The following CHST11 variants were observed in gnomAD, a reference collection of about 807,000 sequenced individuals.
The protein encoded by CHST11 is C4S-1.
A neutral mutation model predicts 30.4 loss-of-function variants in CHST11; 9 were observed. The observed-to-expected ratio is 0.30, with a 90% CI of 0.18 to 0.52. CHST11 has a LOEUF of 0.52. Ranked by LOEUF, CHST11 falls within the 20% of genes least tolerant of loss-of-function variation. The pLI is 0.97. For synonymous variants in CHST11, 152 were observed against 187.8 expected (o/e 0.81, Z 1.56); for missense variants, 348 against 460.6 (o/e 0.76, Z 2.24).
chr12:104,591,787 G>C (rs905461826), intron 1 of CHST11: 1 of 154,078 alleles, frequency 6.5e-6, no homozygotes, highest in Admixed American at 6.5e-5. Context: ...TGGATTTAAT[G>C]AGTTGTGACT....
chr12:104,631,677 C>T (rs951720017), intron 2 of CHST11, among the ~76,000 whole-genome samples: 34 of 152,332 alleles, frequency 2.2e-4, no homozygotes, highest in African/African-American at 7.7e-4. Flanking sequence ...GGCCTCTCCA[C>T]CTCCCTTTGC....
At chr12:104,715,783 C>T (rs1008132565) in intron 2 of CHST11, among the ~76,000 whole-genome samples, 1 of 152,216 alleles carries the variant, frequency 6.6e-6, no homozygotes, top group Non-Finnish European at 1.5e-5. Flanking sequence ...TGTCCCCACC[C>T]CTGGGGGATA....
rs1619105 is a variant in CHST11 at position 104,585,245 on chromosome 12, G to A, written c.119-16661G>A. On this transcript the variant is annotated intron_variant, in intron 1 of 2. Transcript: ENST00000303694. ...CACTTCAGCCTCCTGCACTTGCCTC[G>A]TACTCACCTTCAGCAATGCCAAAGC... Among the ~76,000 whole-genome samples the A allele has an allele frequency of 4.2e-3, 634 of 152,210 alleles. 28 individuals carry two copies. In the East Asian group the frequency reaches 0.1, roughly 25 times the overall value.
At chr12:104,615,923 G>A (rs1409491137) in intron 2 of CHST11, among the ~76,000 whole-genome samples, 1 of 152,148 alleles carries the variant, frequency 6.6e-6, no homozygotes, top group African/African-American at 2.4e-5. Context: ...GCAAGACTCT[G>A]TCTCAAAATA....
In CHST11 at chr12:104,736,411, A is replaced by G. The variant is rs528407142; in HGVS notation, c.205-20538A>G. 5.9e-5 allele frequency among the ~76,000 whole-genome samples: 9 copies of G among 152,342 alleles called. No homozygotes were observed. The South Asian group carries it at 1.9e-3, about 32-fold the overall frequency. ...AAAAAGACCAGTGACTCACAAGCTC[A>G]TACAGAGAATGCCCAGCCTGGCCGA... is the stretch of plus-strand genomic sequence containing the variant. On this transcript the variant is annotated intron_variant, in intron 2 of 2. Coordinates refer to ENST00000303694, the MANE Select transcript of CHST11 (RefSeq NM_018413.6).
At chr12:104,556,099 C>T (rs1378895337) in intron 1 of CHST11, among the ~76,000 whole-genome samples, 1 of 152,172 alleles carries the variant, frequency 6.6e-6, no homozygotes, top group African/African-American at 2.4e-5. Flanking sequence ...AGAAAGACCC[C>T]CCTCCGCTGG....
chr12:104,522,778 G>T (rs1198022625), intron 1 of CHST11, among the ~76,000 whole-genome samples: 1 of 151,970 alleles, frequency 6.6e-6, no homozygotes, highest in Non-Finnish European at 1.5e-5. Flanking sequence ...CACTGCGCCT[G>T]GTCCTATCGC....
At chr12:104,574,718 G>C (rs1029979577) in intron 1 of CHST11, among the ~76,000 whole-genome samples, 5 of 151,986 alleles carry the variant, frequency 3.3e-5, no homozygotes, top group Non-Finnish European at 5.9e-5. Context: ...GTGGGGTGGG[G>C]GTTGGGGGAG....
intron 1 of CHST11, among the ~76,000 whole-genome samples, chr12:104,499,777 A>G (rs146946601): frequency 6.2e-4 from 95 of 152,152 alleles, no homozygotes; most frequent in African/African-American, 2.1e-3. Context: ...CCTCAGTGCT[A>G]CCTTCCCTCA....
chr12:104,560,628 C>G (rs2038504614), intron 1 of CHST11, among the ~76,000 whole-genome samples: 1 of 152,214 alleles, frequency 6.6e-6, no homozygotes, highest in Non-Finnish European at 1.5e-5. Flanking sequence ...GATAAGGTTT[C>G]TAGTTCCAGT....
At chr12:104,659,359 G>A (rs556996635) in intron 2 of CHST11, among the ~76,000 whole-genome samples, 8 of 152,094 alleles carry the variant, frequency 5.3e-5, no homozygotes, top group Admixed American at 3.3e-4. Context: ...ACATATGATC[G>A]TTGGTGATAA....
chr12:104,665,993 G>A (rs2039638980), intron 2 of CHST11, among the ~76,000 whole-genome samples: 2 of 151,506 alleles, frequency 1.3e-5, no homozygotes, highest in Admixed American at 6.6e-5. Flanking sequence ...CTAATGTTTT[G>A]TATTTTAATA....
chr12:104,496,563 C>T (rs1162045524), intron 1 of CHST11, among the ~76,000 whole-genome samples: 2 of 152,212 alleles, frequency 1.3e-5, no homozygotes, highest in African/African-American at 4.8e-5. Context: ...ACACTCACAT[C>T]TGGTAATCCT....
intron 2 of CHST11, among the ~76,000 whole-genome samples, chr12:104,703,703 T>G (rs929638054): frequency 1.3e-5 from 2 of 152,238 alleles, no homozygotes; most frequent in African/African-American, 4.8e-5. Context: ...GGCCTGGCAC[T>G]GCCCACTCCA....
intron 1 of CHST11, among the ~76,000 whole-genome samples, chr12:104,531,563 T>C (rs1488800932): frequency 6.6e-6 from 1 of 152,160 alleles, no homozygotes; most frequent in Admixed American, 6.5e-5. Context: ...TCATTGTTGA[T>C]TTATTTTTTC....
intron 2 of CHST11, among the ~76,000 whole-genome samples, chr12:104,673,216 A>G (rs2039711960): frequency 6.6e-6 from 1 of 152,142 alleles, no homozygotes; most frequent in East Asian, 1.9e-4. Flanking sequence ...CCTTAGCTTA[A>G]TCACATCTGC....
At chr12:104,522,129 C>T (rs55778791) in intron 1 of CHST11, among the ~76,000 whole-genome samples, 46,546 of 144,346 alleles carry the variant, frequency 0.32, 7,369 homozygotes, top group African/African-American at 0.36. Flanking sequence ...TTCTCCAATA[C>T]ATTTATCTCT....
chr12:104,757,776 A>T lies in CHST11; in HGVS notation c.1032A>T (p.Ser344=), dbSNP rs767509270. Residue 344 remains serine, a synonymous_variant, in exon 3 of 3, where the codon TCA becomes TCT. Transcript: ENST00000303694. The surrounding 1 kb of genome is among the most constrained non-coding windows in gnomAD (Gnocchi z 6.5). ...TCGATTTTTTAATGTTCAATTACTC[A>T]GTGCCAAGCTACCTGAAATTGGAAT... ...YKLDFLMFNY[S]VPSYLKLE is the part of the protein sequence containing the mutation. 1 of 1,612,856 alleles carries T rather than the reference A, an allele frequency of 6.2e-7. No individual in the cohort carries two copies. The highest frequency in any genetic ancestry group is 1.7e-5 in the Admixed American group (1 of 60,014).
chr12:104,733,203 G>A (rs1245463264), intron 2 of CHST11, among the ~76,000 whole-genome samples: 2 of 152,254 alleles, frequency 1.3e-5, no homozygotes, highest in Non-Finnish European at 2.9e-5. Flanking sequence ...TATCTTGAAT[G>A]TAGCTGTGGA....
Sources: gnomAD v4.1 joint callset for allele counts (sites outside exome capture counted in the v4.1 genomes callset) on GRCh38, gnomAD v4.1.1 for gene constraint, Gnocchi (gnomAD v3.1) non-coding constraint, MANE v1.5 for transcripts, NCBI Gene and HGNC (gene_info 2026-07-23, HGNC 2026-07-21) for gene names.